Variants in SNX13 observed in about 807,000 individuals in gnomAD.
The protein encoded by SNX13 is sorting nexin-13.
SNX13 carries 45 observed loss-of-function variants against 133.6 expected under a neutral mutation model. The observed-to-expected ratio is 0.34, with a 90% CI of 0.27 to 0.43. The LOEUF is 0.43. Among genes scored for constraint, SNX13 ranks in the 20% least tolerant of loss-of-function variants. The pLI is 1.00. For synonymous variants in SNX13, 414 were observed against 373.9 expected, an observed-to-expected ratio of 1.11 and a Z score of -1.24; for missense variants, 1,032 against 1,145.1, an observed-to-expected ratio of 0.90 and a Z score of 1.43.
chr7:17,839,296 A>G (rs1789580240), intron 13 of SNX13, among the ~76,000 whole-genome samples: 2 of 151,064 alleles, frequency 1.3e-5, no homozygotes, highest in East Asian at 1.9e-4. Flanking sequence ...AAAGTCTTGT[A>G]TATCCTTGAT....
intron 17 of SNX13, among the ~76,000 whole-genome samples, chr7:17,824,420 C>T (rs936196870): frequency 3.3e-5 from 5 of 152,012 alleles, no homozygotes; most frequent in Non-Finnish European, 7.4e-5. Flanking sequence ...CTCTGAAGTC[C>T]AGTTGGTAAA....
chr7:17,831,405 A>C (rs1435829580), intron 15 of SNX13: 35 of 861,634 alleles, frequency 4.1e-5, no homozygotes, highest in Non-Finnish European at 4.5e-5. Flanking sequence ...AAATAATTTC[A>C]TAACTAAAGA....
intron 1 of SNX13, chr7:17,898,262 G>T (rs965705163): frequency 9.9e-5 from 15 of 152,146 alleles, no homozygotes; most frequent in Non-Finnish European, 7.4e-5. Context: ...GGAAGCATTT[G>T]TCCCACTCAT....
At chr7:17,851,100 T>C (rs1791148680) in intron 9 of SNX13, 136 bp from the exon 10 acceptor site, 4 of 814,814 alleles carry the variant, frequency 4.9e-6, no homozygotes, top group South Asian at 3.6e-5. Flanking sequence ...AAAAGTTCTA[T>C]ATTTGGGCAC....
chr7:17,883,302 G>A (rs530998435), intron 5 of SNX13, among the ~76,000 whole-genome samples: 33 of 152,128 alleles, frequency 2.2e-4, no homozygotes, highest in East Asian at 1.9e-4. Flanking sequence ...AAAACAAGAC[G>A]TGAACACCTT....
At chr7:17,850,617 T>G (rs1791092365) in intron 10 of SNX13, among the ~76,000 whole-genome samples, 182 bp from the exon 11 acceptor site, 1 of 152,208 alleles carries the variant, frequency 6.6e-6, no homozygotes, top group Admixed American at 6.5e-5. Flanking sequence ...GCCAATTACC[T>G]CCACTTTAGG....
chr7:17,936,442 A>G (rs1373236329), intron 1 of SNX13, among the ~76,000 whole-genome samples: 2 of 152,246 alleles, frequency 1.3e-5, no homozygotes, highest in Non-Finnish European at 2.9e-5. Context: ...TTAATGATTC[A>G]TATTTACAGA....
chr7:17,914,507 C>T (rs1363933721), intron 1 of SNX13, among the ~76,000 whole-genome samples: 1 of 152,080 alleles, frequency 6.6e-6, no homozygotes, highest in African/African-American at 2.4e-5. Flanking sequence ...TAAAGGCAAA[C>T]CCATCAAACT....
intron 5 of SNX13, among the ~76,000 whole-genome samples, chr7:17,876,335 C>T (rs1264194686): frequency 6.6e-6 from 1 of 152,216 alleles, no homozygotes; most frequent in Non-Finnish European, 1.5e-5. Flanking sequence ...AATCCCAACA[C>T]TTTGGGAGGC....
At chr7:17,802,683 G>A (rs1392862287) in intron 21 of SNX13, among the ~76,000 whole-genome samples, 3 of 152,096 alleles carry the variant, frequency 2.0e-5, no homozygotes, top group African/African-American at 7.2e-5. Context: ...CACAATTTTA[G>A]GAGTGGCCCT....
intron 1 of SNX13, among the ~76,000 whole-genome samples, chr7:17,914,365 A>G (rs1265347629): frequency 6.6e-6 from 1 of 152,218 alleles, no homozygotes; most frequent in African/African-American, 2.4e-5. Flanking sequence ...ATCAACATAC[A>G]GATACAAAAA....
At chr7:17,863,558 G>T (rs1793002927) in intron 9 of SNX13, among the ~76,000 whole-genome samples, 1 of 152,180 alleles carries the variant, frequency 6.6e-6, no homozygotes, top group Non-Finnish European at 1.5e-5. Flanking sequence ...AGCATTTCTA[G>T]ACCCACCCTT....
At chr7:17,860,952 T>TC (rs1792598749) in intron 9 of SNX13, among the ~76,000 whole-genome samples, 1 of 152,216 alleles carries the variant, frequency 6.6e-6, no homozygotes, top group Admixed American at 6.5e-5. Flanking sequence ...GGTAAATTGC[T>TC]CTGGGCAGTA....
chr7:17,843,193 T>A (rs1790109397), intron 12 of SNX13, among the ~76,000 whole-genome samples: 1 of 151,970 alleles, frequency 6.6e-6, no homozygotes, highest in Non-Finnish European at 1.5e-5. Context: ...CTACAAAGAC[T>A]TTAGATACAA....
At chr7:17,829,462 A>T (rs974256426) in intron 16 of SNX13, among the ~76,000 whole-genome samples, 14 of 151,496 alleles carry the variant, frequency 9.2e-5, no homozygotes, top group Admixed American at 8.6e-4. Flanking sequence ...TGCCATTCTA[A>T]CCTCTAATCA....
chr7:17,855,946 A>T (rs767502969), intron 9 of SNX13, among the ~76,000 whole-genome samples: 1 of 152,232 alleles, frequency 6.6e-6, no homozygotes, highest in African/African-American at 2.4e-5. Context: ...ATGACTCATT[A>T]TTCTAGATGC....
chr7:17,938,894 TAA>T (rs1562556922), intron 1 of SNX13, among the ~76,000 whole-genome samples: 2 of 152,332 alleles, frequency 1.3e-5, no homozygotes, highest in Admixed American at 6.5e-5. Flanking sequence ...CTGCTACTTA[TAA>T]CTCTTTTTTC....
At position 17,868,466 on chromosome 7, in the gene SNX13, G is replaced by T. The variant is rs367562539; in HGVS notation, c.778C>A (p.Leu260Ile). The T allele has an allele frequency of 9.3e-6, 15 of 1,608,342 alleles. No individual in the cohort carries two copies. In the African/African-American group the frequency reaches 1.5e-4, roughly 16 times the overall value. Reference sequence around the variant, plus strand: ...TCACTGAGTTGATTTATTAATGGAAGAAGAATTCCTCGTGCAAGGATTTCC... The same window carrying T: ...TCACTGAGTTGATTTATTAATGGAATAAGAATTCCTCGTGCAAGGATTTCC... ...VREILARGIL[L>I]PLINQLSDPD... The change falls in exon 9 of 26, where the codon CTT becomes ATT. Residue 260 changes from leucine to isoleucine, a missense_variant. Leu to Ile is a conservative substitution (Grantham distance 5). Coordinates refer to ENST00000428135, the MANE Select transcript of SNX13 (RefSeq NM_015132.5).
intron 17 of SNX13, among the ~76,000 whole-genome samples, chr7:17,822,281 C>T (rs1158801857): frequency 6.6e-6 from 1 of 151,952 alleles, no homozygotes; most frequent in Non-Finnish European, 1.5e-5. Flanking sequence ...AAGCCTGTTC[C>T]TATTTTGTAC....
Sources: allele counts gnomAD v4.1 joint callset (sites outside exome capture counted in the v4.1 genomes callset), GRCh38; gene constraint gnomAD v4.1.1; transcripts MANE v1.5; gene names NCBI Gene and HGNC (gene_info 2026-07-23, HGNC 2026-07-21).